VPS37C: variants seen among roughly 807,000 people sequenced by gnomAD.
The protein encoded by VPS37C is VPS37C subunit of ESCRT-I.
In VPS37C, 9 loss-of-function variants were observed where a neutral mutation model predicts 16.1. That is an observed-to-expected ratio of 0.56 (90% CI 0.34 to 0.97). The LOEUF (loss-of-function observed/expected upper bound fraction) is 0.97. VPS37C is among the 50% of genes least tolerant of loss of function. VPS37C has a pLI of 0.02. For missense variants in VPS37C, 479 were observed against 472.7 expected (o/e 1.01, Z -0.12); for synonymous variants, 207 against 206.4 (o/e 1.00, Z -0.02).
intron 1 of VPS37C, among the ~76,000 whole-genome samples, chr11:61,152,577 T>C (rs1853313592): frequency 6.6e-6 from 1 of 152,094 alleles, no homozygotes; most frequent in African/African-American, 2.4e-5. Flanking sequence ...TCCCCAGCAT[T>C]TGGTATTATG....
At chr11:61,137,068 CCTTAAT>C (rs1164936926) in intron 2 of VPS37C, among the ~76,000 whole-genome samples, 7 of 152,154 alleles carry the variant, frequency 4.6e-5, no homozygotes, top group Non-Finnish European at 1.0e-4. Context: ...GACTAACTTT[CCTTAAT>C]AAGTTACGGT....
chr11:61,141,649 AG>A (rs1861474086), intron 1 of VPS37C, among the ~76,000 whole-genome samples: 1 of 152,194 alleles, frequency 6.6e-6, no homozygotes, highest in Admixed American at 6.5e-5. Flanking sequence ...CTGTAAAATA[AG>A]ACTCACAACA....
At chr11:61,155,139 G>C (rs140556143) in intron 1 of VPS37C, among the ~76,000 whole-genome samples, 71 of 146,544 alleles carry the variant, frequency 4.8e-4, no homozygotes, top group African/African-American at 1.7e-3. Context: ...CAGGGAGAAA[G>C]AAAAGCAGTT....
At chr11:61,138,492 G>A (rs1002708682) in intron 2 of VPS37C, 3 of 491,510 alleles carry the variant, frequency 6.1e-6, no homozygotes, top group African/African-American at 3.9e-5. Flanking sequence ...GACAGTGTGG[G>A]GACTCCTGGG....
chr11:61,161,185 T>TCTCC (rs1271609355), intron 1 of VPS37C: 1 of 151,666 alleles, frequency 6.6e-6, no homozygotes, highest in Non-Finnish European at 1.5e-5. Context: ...CGCCTCGCGC[T>TCTCC]CTCCCTCCCT....
chr11:61,144,118 A>G (rs6591640), intron 1 of VPS37C: 112,034 of 151,102 alleles, frequency 0.74, 43,011 homozygotes, highest in East Asian at 1. Flanking sequence ...TACAGGAGCC[A>G]CCACCACGCC....
chr11:61,135,964 A>G (rs1253939069), intron 2 of VPS37C, among the ~76,000 whole-genome samples: 2 of 152,212 alleles, frequency 1.3e-5, no homozygotes, highest in Admixed American at 6.5e-5. Context: ...TTCTCCACGA[A>G]GTGGGTCAAT....
chr11:61,157,421 T>TAA (rs1853394596), intron 1 of VPS37C, among the ~76,000 whole-genome samples: 4 of 64,550 alleles, frequency 6.2e-5, no homozygotes, highest in Admixed American at 1.5e-4. Flanking sequence ...TGTTGTTTTT[T>TAA]TTCAATAGCC....
chr11:61,149,785 C>T (rs1235899592), intron 1 of VPS37C, among the ~76,000 whole-genome samples: 1 of 152,208 alleles, frequency 6.6e-6, no homozygotes, highest in East Asian at 1.9e-4. Context: ...CAACTGAATG[C>T]TCCTCAATCC....
At chr11:61,145,963 C>T (rs972962309) in intron 1 of VPS37C, among the ~76,000 whole-genome samples, 3 of 152,204 alleles carry the variant, frequency 2.0e-5, no homozygotes, top group Non-Finnish European at 2.9e-5. Flanking sequence ...GGGTTTGCTG[C>T]GCACGAGTAG....
chr11:61,136,055 G>GTATT (rs1861366083), intron 2 of VPS37C, among the ~76,000 whole-genome samples: 1 of 151,850 alleles, frequency 6.6e-6, no homozygotes, highest in Non-Finnish European at 1.5e-5. Context: ...CAGCAACAAT[G>GTATT]TATTGTATAT....
At chr11:61,144,424 G>GA (rs1853161996) in intron 1 of VPS37C, 1 of 152,212 alleles carries the variant, frequency 6.6e-6, no homozygotes, top group Non-Finnish European at 1.5e-5. Context: ...GACCCCAGGG[G>GA]AGGAAGGGCC....
chr11:61,141,678 C>T (rs1388221070), intron 1 of VPS37C, among the ~76,000 whole-genome samples: 2 of 152,186 alleles, frequency 1.3e-5, no homozygotes, highest in African/African-American at 2.4e-5. Flanking sequence ...CCTCACAGGG[C>T]GGGTGCGAGG....
At chr11:61,153,418 T>C (rs1005934029) in intron 1 of VPS37C, among the ~76,000 whole-genome samples, 1 of 152,212 alleles carries the variant, frequency 6.6e-6, no homozygotes, top group African/African-American at 2.4e-5. Context: ...CCTTTATTAG[T>C]TACCCAGTCT....
In VPS37C at chr11:61,134,196, T is replaced by G. The variant is rs1426718199; in HGVS notation, c.105A>C (p.Leu35=). The G allele has an allele frequency of 1.9e-6, 3 of 1,613,212 alleles. No individual in the cohort carries two copies. Reference sequence around the variant, plus strand: ...CCAGTGCCATCTCCCGTTCCAGCTGTAGGTCCTGGACCTAAAAGGGCAGGA... The same window carrying G: ...CCAGTGCCATCTCCCGTTCCAGCTGGAGGTCCTGGACCTAAAAGGGCAGGA... ...LALESPEVQD[L]QLEREMALAT... is the part of the protein sequence containing the mutation. The change falls in exon 3 of 5, where the codon CTA becomes CTC. Residue 35 remains leucine (L), a synonymous_variant. Coordinates refer to ENST00000301765, the MANE Select transcript of VPS37C (RefSeq NM_017966.5).
At chr11:61,138,716 C>T (rs1861422811) in intron 2 of VPS37C, 21 bp downstream of exon 2, 2 of 1,612,974 alleles carry the variant, frequency 1.2e-6, no homozygotes, top group Non-Finnish European at 8.5e-7. Context: ...TCTGTTGGGT[C>T]CCATACCAGC....
intron 1 of VPS37C, among the ~76,000 whole-genome samples, chr11:61,154,385 G>C (rs1853347679): frequency 6.6e-6 from 1 of 152,110 alleles, no homozygotes; most frequent in Non-Finnish European, 1.5e-5. Context: ...ATATTTAAAA[G>C]ACCCAAATCA....
At chr11:61,135,139 TG>T (rs1207786555) in intron 2 of VPS37C, among the ~76,000 whole-genome samples, 3 of 152,216 alleles carry the variant, frequency 2.0e-5, no homozygotes, top group Non-Finnish European at 4.4e-5. Context: ...GCAGCTTCTC[TG>T]TGCAGCTTCT....
Position 61,156,566 on chromosome 11 carries a change from CAGA to C in VPS37C, c.-7+4822_-7+4824del, listed in dbSNP as rs958901099. Among the ~76,000 whole-genome samples the C allele has an allele frequency of 2.6e-5, 4 of 152,054 alleles. No individual in the cohort carries two copies. The East Asian group carries it at 5.8e-4, about 22-fold the overall frequency. Reference sequence around the variant, plus strand: ...CACCACTGTACTCCAGCCTGGGCAACAGAAGGAGACTCTGTCTCAAAAAAAAAC... The same window carrying C: ...CACCACTGTACTCCAGCCTGGGCAACAGGAGACTCTGTCTCAAAAAAAAAC... On this transcript the variant is annotated intron_variant, in intron 1 of 4. Coordinates refer to ENST00000301765, the MANE Select transcript of VPS37C (RefSeq NM_017966.5).
Sources: gnomAD v4.1 joint callset for allele counts (sites outside exome capture counted in the v4.1 genomes callset) on GRCh38, gnomAD v4.1.1 for gene constraint, MANE v1.5 for transcripts, NCBI Gene and HGNC (gene_info 2026-07-23, HGNC 2026-07-21) for gene names.